Variants in ANKRD55 observed in about 807,000 individuals in gnomAD.
The protein encoded by ANKRD55 is ankyrin repeat domain 55.
ANKRD55 carries 41 observed loss-of-function variants against 60.6 expected under a neutral mutation model. The ratio of observed to expected loss-of-function variants is 0.68; its 90% confidence interval spans 0.53 to 0.88. The LOEUF (loss-of-function observed/expected upper bound fraction) is 0.88. ANKRD55 is among the 40% of genes least tolerant of loss of function. The probability of loss-of-function intolerance (pLI) is 0.00; values close to 1 mark genes in which losing one functional copy is unlikely to be tolerated. For synonymous variants in ANKRD55, 264 were observed against 290.3 expected, an observed-to-expected ratio of 0.91 and a Z score of 0.92; for missense variants, 732 against 767.6, an observed-to-expected ratio of 0.95 and a Z score of 0.55.
chr5:56,137,567 G>T (rs879093713), intron 7 of ANKRD55: 1 of 598,442 alleles, frequency 1.7e-6, no homozygotes. Context: ...AAAAGTAAAA[G>T]AAAAAAAAAA....
intron 2 of ANKRD55, among the ~76,000 whole-genome samples, chr5:56,225,836 G>A (rs1181862026): frequency 6.6e-6 from 1 of 152,180 alleles, no homozygotes; most frequent in South Asian, 2.1e-4. Flanking sequence ...AATAAAAGAG[G>A]ACACAAACAA....
chr5:56,202,600 A>G (rs1759405095), intron 2 of ANKRD55, among the ~76,000 whole-genome samples: 1 of 152,242 alleles, frequency 6.6e-6, no homozygotes, highest in African/African-American at 2.4e-5. Context: ...CGAACTTTCC[A>G]CATGTACCAG....
rs192856899 is a variant in ANKRD55 at position 56,111,224 on chromosome 5, A to G, written c.1524T>C (p.Thr508=). The change falls in exon 10 of 12, where the codon ACT becomes ACC. Residue 508 remains threonine (T), a synonymous_variant. Transcript: ENST00000341048. ...SNQVFSYKVW[T]VSSSDKLLDR... ...CCAGCAGCTTATCAGAAGAAGACACAGTCCAAACTTTGTAGGAAAATACCT... is the reference window on the plus strand; with the variant it reads ...CCAGCAGCTTATCAGAAGAAGACACGGTCCAAACTTTGTAGGAAAATACCT... 2 of 1,614,252 alleles carry G rather than the reference A, an allele frequency of 1.2e-6. No homozygotes were observed. The highest frequency in any genetic ancestry group is 2.2e-5 in the South Asian group (2 of 91,082).
At chr5:56,148,065 A>G (rs1193831474) in intron 6 of ANKRD55, among the ~76,000 whole-genome samples, 1 of 152,248 alleles carries the variant, frequency 6.6e-6, no homozygotes, top group African/African-American at 2.4e-5. Flanking sequence ...CATATTCAGC[A>G]TGGTATGCTC....
intron 7 of ANKRD55, among the ~76,000 whole-genome samples, chr5:56,141,730 T>C (rs1054774405): frequency 1.3e-5 from 2 of 151,998 alleles, no homozygotes; most frequent in African/African-American, 4.8e-5. Flanking sequence ...AACGAACTGG[T>C]AAACATAAAA....
At chr5:56,229,735 T>C (rs1760204007) in intron 2 of ANKRD55, among the ~76,000 whole-genome samples, 1 of 152,188 alleles carries the variant, frequency 6.6e-6, no homozygotes, top group Non-Finnish European at 1.5e-5. Context: ...CTGCATCATA[T>C]TCTTCCACCA....
At chr5:56,204,400 C>T (rs1373446139) in intron 2 of ANKRD55, among the ~76,000 whole-genome samples, 1 of 152,124 alleles carries the variant, frequency 6.6e-6, no homozygotes, top group African/African-American at 2.4e-5. Context: ...AGTCCTTGCC[C>T]ATGCCTATGT....
At chr5:56,140,005 A>G (rs1202646048) in intron 7 of ANKRD55, among the ~76,000 whole-genome samples, 1 of 152,120 alleles carries the variant, frequency 6.6e-6, no homozygotes, top group African/African-American at 2.4e-5. Context: ...GGTAAAACTT[A>G]GTTTACCTAG....
At chr5:56,231,653 GCACACA>G (rs34225686) in intron 2 of ANKRD55, among the ~76,000 whole-genome samples, 15,486 of 147,744 alleles carry the variant, frequency 0.1, 896 homozygotes, top group Admixed American at 0.15. Context: ...CTGAAGGCGC[GCACACA>G]CACACACACA....
chr5:56,100,655 G>A (rs564866348), intron 11 of ANKRD55, among the ~76,000 whole-genome samples: 57 of 152,294 alleles, frequency 3.7e-4, no homozygotes, highest in African/African-American at 1.4e-3. Flanking sequence ...TTTGTACTGT[G>A]CTTTTATGCA....
chr5:56,199,081 A>G (rs1035628759), intron 2 of ANKRD55, among the ~76,000 whole-genome samples: 1 of 67,704 alleles, frequency 1.5e-5, no homozygotes, highest in Non-Finnish European at 2.5e-5. Context: ...CTCTGTCTCA[A>G]AACAAACAAA....
rs71578616 is a variant in ANKRD55, at chr5:56,173,541, CCTCTCTCTCTCTCTCTCTCT to C, written c.312+2591_312+2610del. Among the ~76,000 whole-genome samples the C allele has an allele frequency of 5.2e-4, 32 of 61,530 alleles. 1 individual carries two copies. Among genetic ancestry groups the C allele is most frequent in the African/African-American group, 1.0e-3 (17 of 16,592 alleles). The allele number at this position is 61,530 out of a possible 152,430, so 40.4% of individuals were successfully genotyped here. A position where few individuals can be genotyped will look rare whatever the true frequency, so the allele number is the denominator to read the frequency against. ...ATAATACGTTAAATGTAGAGATTCG[CCTCTCTCTCTCTCTCTCTCT>C]CTCTCTCTCTCTCTCTCTCTCTATA... On this transcript the variant is annotated intron_variant, in intron 4 of 11. Transcript: ENST00000341048.
intron 3 of ANKRD55, among the ~76,000 whole-genome samples, chr5:56,177,270 G>GAA (rs2111823670): frequency 6.6e-6 from 1 of 152,130 alleles, no homozygotes; most frequent in African/African-American, 2.4e-5. Flanking sequence ...TTTTCCTTCT[G>GAA]AAACTCTTTC....
At chr5:56,112,444 A>G (rs941486687) in intron 9 of ANKRD55, among the ~76,000 whole-genome samples, 12 of 141,532 alleles carry the variant, frequency 8.5e-5, no homozygotes, top group Non-Finnish European at 1.7e-4. Context: ...AGGCAGGAGG[A>G]TCACTTGATG....
intron 6 of ANKRD55, among the ~76,000 whole-genome samples, chr5:56,158,891 G>A (rs543663316): frequency 7.0e-4 from 106 of 152,158 alleles, no homozygotes; most frequent in Non-Finnish European, 1.1e-3. Flanking sequence ...ATGGAGTCTC[G>A]CTCTGCTGCC....
chr5:56,211,485 AG>A (rs1032909575), intron 2 of ANKRD55, among the ~76,000 whole-genome samples: 5 of 152,242 alleles, frequency 3.3e-5, no homozygotes, highest in Non-Finnish European at 7.3e-5. Context: ...GTAGAAACAA[AG>A]TGACTTATCC....
chr5:56,140,788 C>T (rs1341583773), intron 7 of ANKRD55, among the ~76,000 whole-genome samples: 6 of 152,106 alleles, frequency 3.9e-5, no homozygotes, highest in Admixed American at 3.9e-4. Context: ...TGTGGCTGGG[C>T]GTAGTGGTTC....
intron 5 of ANKRD55, among the ~76,000 whole-genome samples, chr5:56,166,142 CT>C (rs755381906): frequency 0.013 from 1,199 of 93,546 alleles, 67 homozygotes; most frequent in African/African-American, 0.06. Flanking sequence ...TTCTTTCTTT[CT>C]TTCTTTCTTT....
chr5:56,210,301 G>A (rs552263170), intron 2 of ANKRD55, among the ~76,000 whole-genome samples: 3 of 152,184 alleles, frequency 2.0e-5, no homozygotes, highest in East Asian at 1.9e-4. Context: ...TAGGCCGGGC[G>A]CGGTGGCTCA....
Sources: gnomAD v4.1 joint callset for allele counts (sites outside exome capture counted in the v4.1 genomes callset) on GRCh38, gnomAD v4.1.1 for gene constraint, MANE v1.5 for transcripts, NCBI Gene and HGNC (gene_info 2026-07-23, HGNC 2026-07-21) for gene names.